The following EFCAB5 variants were observed in gnomAD, a reference collection of about 807,000 sequenced individuals.
The protein encoded by EFCAB5 is EF-hand calcium binding domain 5, also known as EF-hand calcium-binding domain-containing protein 5.
EFCAB5 carries 131 observed loss-of-function variants against 167.9 expected under a neutral mutation model. That is an observed-to-expected ratio of 0.78 (90% CI 0.68 to 0.90). EFCAB5 has a LOEUF of 0.90. Among genes scored for constraint, EFCAB5 ranks in the 40% least tolerant of loss-of-function variants. The probability of loss-of-function intolerance (pLI) is 0.00; values close to 1 mark genes in which losing one functional copy is unlikely to be tolerated. For missense variants in EFCAB5, 1,663 were observed against 1,745.2 expected, an observed-to-expected ratio of 0.95 and a Z score of 0.84; for synonymous variants, 574 against 602.8, an observed-to-expected ratio of 0.95 and a Z score of 0.70.
At chr17:29,981,153 A>G (rs1415783975) in intron 4 of EFCAB5, among the ~76,000 whole-genome samples, 1 of 152,112 alleles carries the variant, frequency 6.6e-6, no homozygotes, top group Non-Finnish European at 1.5e-5. Context: ...TAATATTACC[A>G]TGTTGTTCCC....
At chr17:30,052,197 C>T (rs140274310) in intron 9 of EFCAB5, among the ~76,000 whole-genome samples, 27 of 152,216 alleles carry the variant, frequency 1.8e-4, no homozygotes, top group Non-Finnish European at 3.5e-4. Context: ...CAGAGTCTCG[C>T]TCTGTTGCCG....
At position 30,053,843 on chromosome 17, in the gene EFCAB5, G is replaced by T; in HGVS notation, c.1889G>T (p.Arg630Ile). 6.2e-7 allele frequency: 1 copy of T among 1,614,000 alleles called. No homozygotes were observed. The highest frequency in any genetic ancestry group is 8.5e-7 in the Non-Finnish European group (1 of 1,179,908). Residue 630 changes from arginine (R) to isoleucine (I), a missense_variant, in exon 10 of 23, where the codon AGA becomes ATA. By Grantham distance (97) the Arg-to-Ile change is moderately conservative. Coordinates refer to ENST00000394835, the MANE Select transcript of EFCAB5 (RefSeq NM_198529.4). ...TCAGTAGCAGAACAAGGATCACGCA[G>T]AATGTCAGCTGCAGAACAGGGATCA... ...KGSVAEQGSR[R>I]MSAAEQGSLR...
intron 20 of EFCAB5, among the ~76,000 whole-genome samples, chr17:30,091,225 A>T (rs2071189106): frequency 6.6e-6 from 1 of 152,256 alleles, no homozygotes; most frequent in Non-Finnish European, 1.5e-5. Flanking sequence ...AGCTGGTGGG[A>T]GAGCCAGGAT....
intron 4 of EFCAB5, among the ~76,000 whole-genome samples, chr17:29,980,625 G>A (rs567153515): frequency 7.9e-5 from 12 of 152,074 alleles, no homozygotes. Context: ...CCTTCTCAGT[G>A]TCCTTTTCTG....
chr17:29,986,011 T>C (rs934055764), intron 4 of EFCAB5, among the ~76,000 whole-genome samples: 1 of 152,202 alleles, frequency 6.6e-6, no homozygotes. Flanking sequence ...ACAATACAGA[T>C]TAAAAGCACA....
chr17:29,950,335 C>T (rs952556952), intron 3 of EFCAB5, among the ~76,000 whole-genome samples: 9 of 151,224 alleles, frequency 6.0e-5, no homozygotes, highest in African/African-American at 2.2e-4. Flanking sequence ...CTCTCTCCCT[C>T]CTTCCTTCCT....
At chr17:30,067,707 A>G (rs1329974863) in intron 14 of EFCAB5, among the ~76,000 whole-genome samples, 3 of 152,192 alleles carry the variant, frequency 2.0e-5, no homozygotes, top group East Asian at 1.9e-4. Context: ...AAGGCCATAC[A>G]TAACAAAGGC....
At chr17:30,105,209 G>A (rs2151862664) in intron 22 of EFCAB5, among the ~76,000 whole-genome samples, 1 of 152,188 alleles carries the variant, frequency 6.6e-6, no homozygotes, top group Admixed American at 6.5e-5. Context: ...AAAGAGAGAT[G>A]AATTGGCCGA....
chr17:29,975,340 ACCTCCGC>A (rs1315864654), intron 4 of EFCAB5, among the ~76,000 whole-genome samples: 1 of 151,862 alleles, frequency 6.6e-6, no homozygotes, highest in Non-Finnish European at 1.5e-5. Context: ...GCTCACTGCA[ACCTCCGC>A]CTCCCGGCAG....
rs1381857296 is a variant in EFCAB5 at position 30,108,028 on chromosome 17, T to C, written c.*4T>C. On this transcript the variant is annotated 3_prime_UTR_variant, in exon 23 of 23. Coordinates refer to ENST00000394835, the MANE Select transcript of EFCAB5 (RefSeq NM_198529.4). ...GGAAGGTTTGCAAGAGAAGTGATAA[T>C]GGATGATAATGGAATTGATACTGTA... 4 of 1,602,458 alleles carry C rather than the reference T, an allele frequency of 2.5e-6. No individual in the cohort carries two copies. The highest frequency in any genetic ancestry group is 2.5e-6 in the Non-Finnish European group (3 of 1,176,824).
Position 29,956,228 on chromosome 17 carries a change from G to A in EFCAB5, c.191-12563G>A, listed in dbSNP as rs143807191. On this transcript the variant is annotated intron_variant, in intron 3 of 22. Transcript: ENST00000394835. ...TAGTTATACAATAATATACTACGTA[G>A]CAATGAATAACAACTGTTAAAAGAA... Among the ~76,000 whole-genome samples the A allele has an allele frequency of 4.0e-3, 611 of 152,298 alleles. 19 individuals carry two copies. Among genetic ancestry groups the A allele is most frequent in the Admixed American group, 0.038 (575 of 15,286 alleles).
At chr17:30,089,140 T>A (rs1242048184) in intron 19 of EFCAB5, among the ~76,000 whole-genome samples, 1 of 152,128 alleles carries the variant, frequency 6.6e-6, no homozygotes, top group Non-Finnish European at 1.5e-5. Context: ...CCACCCTGTG[T>A]CCAAGTGTTC....
chr17:29,999,984 T>A lies in EFCAB5; in HGVS notation c.1044+8T>A. 1 of 1,538,060 alleles carries A rather than the reference T, an allele frequency of 6.5e-7. No homozygotes were observed. The highest frequency in any genetic ancestry group is 8.8e-7 in the Non-Finnish European group (1 of 1,133,444). The stretch of plus-strand genomic sequence containing the variant: ...AAAATGGAATTTACAGAAGTAAGAG[T>A]TACATTATTTAATGTTTGAATTGAA... On this transcript the variant is annotated splice_region_variant and intron_variant, in intron 7 of 22. Transcript: ENST00000394835.
chr17:30,008,020 C>T (rs1453920842), intron 7 of EFCAB5, among the ~76,000 whole-genome samples: 1 of 151,494 alleles, frequency 6.6e-6, no homozygotes, highest in East Asian at 1.9e-4. Flanking sequence ...TTTGATAAAG[C>T]AGTATGTTTT....
At chr17:30,023,206 C>CA (rs1397957161) in intron 7 of EFCAB5, among the ~76,000 whole-genome samples, 18 of 150,962 alleles carry the variant, frequency 1.2e-4, no homozygotes, top group African/African-American at 2.2e-4. Context: ...GAAATAGAGA[C>CA]AAAAAAAACC....
intron 7 of EFCAB5, among the ~76,000 whole-genome samples, chr17:30,017,545 A>G (rs2069076076): frequency 6.6e-6 from 1 of 152,190 alleles, no homozygotes; most frequent in Non-Finnish European, 1.5e-5. Flanking sequence ...AACAGAGGAA[A>G]AAGACACTAA....
chr17:30,064,105 A>G (rs989001855), intron 14 of EFCAB5, among the ~76,000 whole-genome samples: 4 of 152,194 alleles, frequency 2.6e-5, no homozygotes, highest in Non-Finnish European at 5.9e-5. Flanking sequence ...GACACAAGAA[A>G]CATGATAAAG....
chr17:29,965,408 G>A (rs1327305182), intron 3 of EFCAB5, among the ~76,000 whole-genome samples: 3 of 151,790 alleles, frequency 2.0e-5, no homozygotes, highest in Non-Finnish European at 1.5e-5. Context: ...TATTTTATAT[G>A]GTATCTATTT....
Position 29,982,151 on chromosome 17 carries a change from C to T in EFCAB5, c.768-11014C>T, listed in dbSNP as rs138821289. On this transcript the variant is annotated intron_variant, in intron 4 of 22. Coordinates refer to ENST00000394835, the MANE Select transcript of EFCAB5 (RefSeq NM_198529.4). ...AGGAATGGCAAGAAATTCAGTTTAG[C>T]GGCTGGGCACGGTGGCTCATGCCTG... Among the ~76,000 whole-genome samples the T allele has an allele frequency of 9.9e-4, 151 of 152,154 alleles. 2 individuals carry two copies. In the Middle Eastern group the frequency reaches 0.01, roughly 10 times the overall value.
Sources: gnomAD v4.1 joint callset for allele counts (sites outside exome capture counted in the v4.1 genomes callset) on GRCh38, gnomAD v4.1.1 for gene constraint, MANE v1.5 for transcripts, NCBI Gene and HGNC (gene_info 2026-07-23, HGNC 2026-07-21) for gene names.